The following GDPD5 variants were observed in gnomAD, a reference collection of about 807,000 sequenced individuals.
The protein encoded by GDPD5 is glycerophosphodiester phosphodiesterase 2.
GDPD5 carries 48 observed loss-of-function variants against 75.1 expected under a neutral mutation model. The observed-to-expected ratio is 0.64, with a 90% CI of 0.51 to 0.81. GDPD5 has a LOEUF of 0.81. GDPD5 is among the 40% of genes least tolerant of loss of function. GDPD5 has a pLI of 0.00. For missense variants in GDPD5, 706 were observed against 822.6 expected, an observed-to-expected ratio of 0.86 and a Z score of 1.73; for synonymous variants, 336 against 339.0, an observed-to-expected ratio of 0.99 and a Z score of 0.10.
Position 75,449,990 on chromosome 11 carries a change from G to T in GDPD5, c.376-7C>A. 6.2e-7 allele frequency: 1 copy of T among 1,612,696 alleles called. No individual in the cohort carries two copies. Among genetic ancestry groups the T allele is most frequent in the Admixed American group, 1.7e-5 (1 of 60,026 alleles). On this transcript the variant is annotated splice_region_variant and splice_polypyrimidine_tract_variant and intron_variant, in intron 6 of 16. Coordinates refer to ENST00000336898, the MANE Select transcript of GDPD5 (RefSeq NM_030792.8). ...GGATGACCACCAGCCCGATCTGGAG[G>T]GGGAAGAGTCACCGGACAGAGGCTC...
At chr11:75,468,077 G>A (rs1949564164) in intron 3 of GDPD5, among the ~76,000 whole-genome samples, 2 of 152,168 alleles carry the variant, frequency 1.3e-5, no homozygotes, top group Non-Finnish European at 1.5e-5. Flanking sequence ...GGCCGCTGGG[G>A]TGGGATGGCT....
chr11:75,504,042 T>A (rs1290075606), intron 1 of GDPD5, among the ~76,000 whole-genome samples: 1 of 152,194 alleles, frequency 6.6e-6, no homozygotes, highest in Admixed American at 6.5e-5. Context: ...CTGGGTGAAC[T>A]TGAATGAGTC....
intron 3 of GDPD5, among the ~76,000 whole-genome samples, chr11:75,468,682 C>G (rs545831188): frequency 2.6e-5 from 4 of 152,116 alleles, no homozygotes; most frequent in Non-Finnish European, 5.9e-5. Context: ...CCCCGACGCC[C>G]CCCCCCCGGG....
chr11:75,460,778 C>T (rs1052309286), intron 4 of GDPD5, among the ~76,000 whole-genome samples: 35 of 151,938 alleles, frequency 2.3e-4, no homozygotes, highest in Non-Finnish European at 4.1e-4. Context: ...AGGACTGGGC[C>T]GGGGCATCCT....
At chr11:75,512,325 C>CACACACACACACACACAT (rs55710152) in intron 1 of GDPD5, among the ~76,000 whole-genome samples, 3 of 149,058 alleles carry the variant, frequency 2.0e-5, no homozygotes, top group African/African-American at 7.4e-5. Flanking sequence ...CACACACACA[C>CACACACACACACACACAT]GAGGGGAGAG....
chr11:75,476,915 A>G (rs1378278995), intron 3 of GDPD5, among the ~76,000 whole-genome samples: 2 of 114,874 alleles, frequency 1.7e-5, no homozygotes, highest in South Asian at 3.1e-4. Flanking sequence ...CCCCCTGGCC[A>G]CTCCAGCCTC....
chr11:75,436,434 C>A (rs2135107568), intron 16 of GDPD5, among the ~76,000 whole-genome samples: 1 of 152,302 alleles, frequency 6.6e-6, no homozygotes, highest in Admixed American at 6.5e-5. Flanking sequence ...GCGCCCAAAG[C>A]CTTCCTCACT....
intron 1 of GDPD5, among the ~76,000 whole-genome samples, chr11:75,517,790 G>A (rs1427971581): frequency 6.6e-6 from 1 of 150,702 alleles, no homozygotes; most frequent in East Asian, 1.9e-4. Flanking sequence ...ATGTTCCCTG[G>A]ACACCCTCCC....
At chr11:75,436,455 C>T (rs1455302266) in intron 16 of GDPD5, among the ~76,000 whole-genome samples, 6 of 152,146 alleles carry the variant, frequency 3.9e-5, no homozygotes, top group Non-Finnish European at 7.4e-5. Context: ...GCCCAGGCAG[C>T]TCTGACCACG....
chr11:75,459,278 G>T (rs1949360313), intron 4 of GDPD5, among the ~76,000 whole-genome samples: 2 of 151,470 alleles, frequency 1.3e-5, no homozygotes, highest in South Asian at 4.2e-4. Flanking sequence ...CTGTATTTTT[G>T]ATTACTTCCT....
chr11:75,497,149 T>G (rs1950225991), intron 1 of GDPD5, among the ~76,000 whole-genome samples: 2 of 152,044 alleles, frequency 1.3e-5, no homozygotes, highest in Admixed American at 6.5e-5. Context: ...GAATTCATAC[T>G]CTTACTACCA....
intron 1 of GDPD5, among the ~76,000 whole-genome samples, chr11:75,521,391 C>T (rs1349273801): frequency 6.6e-6 from 1 of 152,212 alleles, no homozygotes; most frequent in African/African-American, 2.4e-5. Context: ...TGCAGCTTGG[C>T]TCCCTGCTCC....
chr11:75,469,227 C>T (rs1159954995), intron 3 of GDPD5, among the ~76,000 whole-genome samples: 1 of 152,200 alleles, frequency 6.6e-6, no homozygotes, highest in Admixed American at 6.5e-5. Flanking sequence ...AGGAAGAAGA[C>T]CCTGGCATGG....
Position 75,441,761 on chromosome 11 carries a change from C to T in GDPD5, c.1210G>A (p.Val404Met). 2 of 1,611,330 alleles carry T rather than the reference C, an allele frequency of 1.2e-6. No homozygotes were observed. The highest frequency in any genetic ancestry group is 1.7e-6 in the Non-Finnish European group (2 of 1,179,930). Residue 404 changes from valine to methionine, a missense_variant, in exon 13 of 17, where the codon GTG becomes ATG. Coordinates refer to ENST00000336898, the MANE Select transcript of GDPD5 (RefSeq NM_030792.8). The part of the protein sequence containing the change: ...PSRQRPLVRK[V>M]APGFQQTSGS... ...GATGTCTGTTGGAAGCCGGGAGCCA[C>T]CTTCCGCACCAGGGGCCTCTGCCTG...
intron 1 of GDPD5, among the ~76,000 whole-genome samples, chr11:75,514,750 A>G (rs1950601699): frequency 6.6e-6 from 1 of 152,218 alleles, no homozygotes; most frequent in African/African-American, 2.4e-5. Context: ...GAAGGCTCCA[A>G]TTGCAGCAGA....
At chr11:75,494,044 A>C (rs2135428115) in intron 1 of GDPD5, among the ~76,000 whole-genome samples, 1 of 152,254 alleles carries the variant, frequency 6.6e-6, no homozygotes, top group East Asian at 1.9e-4. Context: ...AATTTTCAAA[A>C]ATTTAATTAA....
chr11:75,439,240 C>T (rs1244214948), intron 15 of GDPD5: 9 of 429,870 alleles, frequency 2.1e-5, no homozygotes, highest in Non-Finnish European at 3.8e-5. Flanking sequence ...GGCCCGGGCA[C>T]AGGGCTTGGT....
At position 75,477,637 on chromosome 11, in the gene GDPD5, G is replaced by A. The variant is rs1255872410; in HGVS notation, c.99C>T (p.Ser33=). 2 of 1,593,256 alleles carry A rather than the reference G, an allele frequency of 1.3e-6. No individual in the cohort carries two copies. Among genetic ancestry groups the A allele is most frequent in the Non-Finnish European group, 1.7e-6 (2 of 1,165,036 alleles). Residue 33 remains serine, a synonymous_variant, in exon 3 of 17, where the codon TCC becomes TCT. Transcript: ENST00000336898. ...GGCTCACCGGTGTGGTATCATCATG[G>A]GAGCGCTGGTAGCGCTTCCAACGGC... ...YGCRWKRYQR[S]HDDTTPWERL... is the part of the protein sequence containing the mutation.
intron 10 of GDPD5, 114 bp from the exon 11 acceptor site, chr11:75,443,400 T>G: frequency 8.0e-7 from 1 of 1,251,924 alleles, no homozygotes. Context: ...CGGCTGGCTC[T>G]GCCCCTCTCT....
Sources: allele counts gnomAD v4.1 joint callset (sites outside exome capture counted in the v4.1 genomes callset), GRCh38; gene constraint gnomAD v4.1.1; transcripts MANE v1.5; gene names NCBI Gene and HGNC (gene_info 2026-07-23, HGNC 2026-07-21).